Variants in ZFAT observed in about 807,000 individuals in gnomAD.
ZFAT encodes the protein zinc finger protein ZFAT.
A neutral mutation model predicts 117.7 loss-of-function variants in ZFAT; 64 were observed. The observed-to-expected ratio is 0.54, with a 90% CI of 0.44 to 0.67. The LOEUF is 0.67. Among genes scored for constraint, ZFAT ranks in the 30% least tolerant of loss-of-function variants. The pLI, the probability that ZFAT is intolerant of heterozygous loss-of-function variation, is 0.00. For missense variants in ZFAT, 1,433 were observed against 1,584.5 expected, an observed-to-expected ratio of 0.90 and a Z score of 1.62; for synonymous variants, 679 against 615.0, an observed-to-expected ratio of 1.10 and a Z score of -1.54.
chr8:134,659,044 C>T (rs931113546), intron 1 of ZFAT, among the ~76,000 whole-genome samples: 2 of 152,252 alleles, frequency 1.3e-5, no homozygotes, highest in African/African-American at 2.4e-5. Flanking sequence ...CGGCATCCCC[C>T]TCACCAGCCT....
At chr8:134,705,377 G>GTTTTTTTTTTTTTT in intron 1 of ZFAT, among the ~76,000 whole-genome samples, 1 of 137,404 alleles carries the variant, frequency 7.3e-6, no homozygotes, top group Non-Finnish European at 1.5e-5. Context: ...GTTTTTTTTT[G>GTTTTTTTTTTTTTT]TTTTTTTTTT....
chr8:134,790,954 G>T, the ZFAT span, among the ~76,000 whole-genome samples: 1 of 152,168 alleles, frequency 6.6e-6, no homozygotes, highest in Non-Finnish European at 1.5e-5. Flanking sequence ...AATTGAGGCT[G>T]CAGTAAGCCA....
chr8:134,635,724 AAATCCAGTGATTAACAAATCACTGG>A (rs1830172844), intron 3 of ZFAT, among the ~76,000 whole-genome samples: 1 of 152,140 alleles, frequency 6.6e-6, no homozygotes, highest in African/African-American at 2.4e-5. Context: ...TCTGTAACCC[AAATCCAGTGATTAACAAATCACTGG>A]AAATCAGAGC....
chr8:134,811,074 T>C, the ZFAT span, among the ~76,000 whole-genome samples: 5 of 150,972 alleles, frequency 3.3e-5, no homozygotes, highest in East Asian at 1.9e-4. Context: ...TAGAAGGAAA[T>C]AGTACACAGG....
At chr8:134,755,074 A>G in the ZFAT span, among the ~76,000 whole-genome samples, 1 of 152,198 alleles carries the variant, frequency 6.6e-6, no homozygotes, top group East Asian at 1.9e-4. Flanking sequence ...TTACCTAAGC[A>G]AGTGTGAGGG....
At chr8:134,535,301 T>A (rs1052838969) in intron 11 of ZFAT, among the ~76,000 whole-genome samples, 1 of 152,210 alleles carries the variant, frequency 6.6e-6, no homozygotes, top group Non-Finnish European at 1.5e-5. Context: ...TCCAGGTATC[T>A]CCACAGGGAT....
intron 11 of ZFAT, among the ~76,000 whole-genome samples, chr8:134,538,525 C>T (rs1275582392): frequency 6.6e-6 from 1 of 152,172 alleles, no homozygotes; most frequent in African/African-American, 2.4e-5. Flanking sequence ...GGGCCAGGCG[C>T]AGTGGCTCAC....
intron 1 of ZFAT, among the ~76,000 whole-genome samples, chr8:134,677,285 A>T (rs2131285865): frequency 6.6e-6 from 1 of 152,370 alleles, no homozygotes; most frequent in Non-Finnish European, 1.5e-5. Context: ...CCACAGAAAT[A>T]CAAACTACCA....
chr8:134,551,767 A>G (rs1049040634), intron 11 of ZFAT, among the ~76,000 whole-genome samples: 4 of 152,192 alleles, frequency 2.6e-5, no homozygotes, highest in East Asian at 1.9e-4. Context: ...CCTTTGTTCA[A>G]CTGAGTACCC....
At chr8:134,724,968 T>G in the ZFAT span, among the ~76,000 whole-genome samples, 1 of 152,172 alleles carries the variant, frequency 6.6e-6, no homozygotes, top group African/African-American at 2.4e-5. Context: ...TCAGTTGCAG[T>G]TGCACCTCTG....
At chr8:134,607,380 T>C (rs988217537) in intron 5 of ZFAT, among the ~76,000 whole-genome samples, 3 of 152,268 alleles carry the variant, frequency 2.0e-5, no homozygotes, top group African/African-American at 7.2e-5. Flanking sequence ...TAATATAATT[T>C]AATGAGAGCA....
chr8:134,539,960 G>C (rs1027809105), intron 11 of ZFAT, among the ~76,000 whole-genome samples: 95 of 152,284 alleles, frequency 6.2e-4, no homozygotes, highest in Non-Finnish European at 7.9e-4. Flanking sequence ...TGAAATGGGA[G>C]AGCAAACCTT....
intron 1 of ZFAT, among the ~76,000 whole-genome samples, chr8:134,667,998 C>G (rs1014235446): frequency 6.6e-6 from 1 of 152,166 alleles, no homozygotes; most frequent in Non-Finnish European, 1.5e-5. Context: ...GCCCACAGAG[C>G]CTCACTCATT....
At chr8:134,637,975 CA>C (rs1030402890) in intron 2 of ZFAT, among the ~76,000 whole-genome samples, 2 of 152,184 alleles carry the variant, frequency 1.3e-5, no homozygotes, top group Admixed American at 6.5e-5. Flanking sequence ...CTTTCTCCAG[CA>C]ATGCTGACAG....
chr8:134,565,516 T>A, intron 10 of ZFAT, 95 bp from the exon 11 acceptor site: 1 of 1,155,026 alleles, frequency 8.7e-7, no homozygotes, highest in Non-Finnish European at 1.3e-6. Flanking sequence ...ACAAAGGTGT[T>A]CCTTGCCATG....
chr8:134,484,945 G>A (rs1326996726), intron 15 of ZFAT, among the ~76,000 whole-genome samples: 3 of 152,108 alleles, frequency 2.0e-5, no homozygotes, highest in Non-Finnish European at 4.4e-5. Flanking sequence ...ATCCTTGGAT[G>A]AACAAAGAAA....
At chr8:134,638,730 A>AT (rs1391214629) in intron 2 of ZFAT, among the ~76,000 whole-genome samples, 1 of 145,270 alleles carries the variant, frequency 6.9e-6, no homozygotes, top group Non-Finnish European at 1.5e-5. Context: ...TCCATCTCAA[A>AT]TAAAAAAAAA....
chr8:134,608,551 G>GCACAC (rs2130959836), intron 5 of ZFAT, among the ~76,000 whole-genome samples, 178 bp downstream of exon 5: 1 of 152,302 alleles, frequency 6.6e-6, no homozygotes, highest in African/African-American at 2.4e-5. Context: ...GGCTCAGCGA[G>GCACAC]CACACCGAGG....
chr8:134,624,107 A>C (rs1485507860), intron 3 of ZFAT, among the ~76,000 whole-genome samples: 1 of 151,952 alleles, frequency 6.6e-6, no homozygotes, highest in Non-Finnish European at 1.5e-5. Flanking sequence ...TGATGCACTC[A>C]TGAATGACCC....
Sources: allele counts gnomAD v4.1 joint callset (sites outside exome capture counted in the v4.1 genomes callset), GRCh38; gene constraint gnomAD v4.1.1; transcripts MANE v1.5; gene names NCBI Gene and HGNC (gene_info 2026-07-23, HGNC 2026-07-21).